The following CADM2 variants were observed in gnomAD, a reference collection of about 807,000 sequenced individuals.
CADM2 encodes the protein immunoglobulin superfamily member 4D.
CADM2 carries 12 observed loss-of-function variants against 49.8 expected under a neutral mutation model. That is an observed-to-expected ratio of 0.24 (90% CI 0.15 to 0.39). The LOEUF (loss-of-function observed/expected upper bound fraction) is 0.39. Among genes scored for constraint, CADM2 ranks in the 10% least tolerant of loss-of-function variants. The probability of loss-of-function intolerance (pLI) is 1.00; values close to 1 mark genes in which losing one functional copy is unlikely to be tolerated. For synonymous variants in CADM2, 214 were observed against 175.4 expected (o/e 1.22, Z -1.74); for missense variants, 378 against 492.3 (o/e 0.77, Z 2.20).
intron 1 of CADM2, among the ~76,000 whole-genome samples, chr3:85,281,266 T>G (rs2043492659): frequency 6.6e-6 from 1 of 151,874 alleles, no homozygotes; most frequent in Admixed American, 6.6e-5. Flanking sequence ...TTGTATAGAA[T>G]TATTAGATCA....
intron 6 of CADM2, among the ~76,000 whole-genome samples, chr3:85,927,253 A>G (rs1045678603): frequency 6.6e-6 from 1 of 152,214 alleles, no homozygotes; most frequent in Non-Finnish European, 1.5e-5. Context: ...TTATTTACTC[A>G]ACAATTACTT....
chr3:85,673,681 G>A (rs1290263405), intron 1 of CADM2, among the ~76,000 whole-genome samples: 1 of 151,886 alleles, frequency 6.6e-6, no homozygotes, highest in Admixed American at 6.6e-5. Flanking sequence ...AGAGAAAGAG[G>A]GAGAGAAAGA....
At chr3:85,041,993 C>T (rs753441819) in intron 1 of CADM2, among the ~76,000 whole-genome samples, 25 of 152,292 alleles carry the variant, frequency 1.6e-4, no homozygotes, top group Non-Finnish European at 2.1e-4. Flanking sequence ...AGGCTTGTTT[C>T]ACACATGCAT....
chr3:84,961,420 G>T (rs2030498918), intron 1 of CADM2, among the ~76,000 whole-genome samples: 1 of 152,194 alleles, frequency 6.6e-6, no homozygotes, highest in Non-Finnish European at 1.5e-5. Context: ...ATGTGTGCCA[G>T]AATCTCCGTG....
At chr3:85,178,971 G>T (rs2040856509) in intron 1 of CADM2, among the ~76,000 whole-genome samples, 1 of 151,776 alleles carries the variant, frequency 6.6e-6, no homozygotes, top group African/African-American at 2.4e-5. Context: ...TTTGAATGAA[G>T]AACATTTTAC....
intron 5 of CADM2, among the ~76,000 whole-genome samples, chr3:85,909,001 G>A (rs920315597): frequency 6.6e-6 from 1 of 152,154 alleles, no homozygotes; most frequent in Non-Finnish European, 1.5e-5. Flanking sequence ...TGGGATTACA[G>A]GCGTGAGCCA....
intron 2 of CADM2, among the ~76,000 whole-genome samples, chr3:85,754,463 G>A (rs983620746): frequency 2.6e-5 from 4 of 152,068 alleles, no homozygotes; most frequent in African/African-American, 9.7e-5. Flanking sequence ...TATCTCATAT[G>A]GAACTCACCG....
At chr3:85,772,008 C>CT (rs397938377) in intron 2 of CADM2, among the ~76,000 whole-genome samples, 9,351 of 112,178 alleles carry the variant, frequency 0.083, 1,073 homozygotes, top group African/African-American at 0.27. Context: ...TTCTTTCTTT[C>CT]TTTTTTTTTT....
chr3:85,760,087 A>T (rs1486717681), intron 2 of CADM2, among the ~76,000 whole-genome samples: 1 of 152,100 alleles, frequency 6.6e-6, no homozygotes, highest in African/African-American at 2.4e-5. Flanking sequence ...TGTTTTTCTA[A>T]TTTCACTTTT....
chr3:85,886,505 G>A (rs1713676606), intron 5 of CADM2, among the ~76,000 whole-genome samples, 178 bp downstream of exon 5: 1 of 152,030 alleles, frequency 6.6e-6, no homozygotes, highest in Non-Finnish European at 1.5e-5. Flanking sequence ...TAATATATAA[G>A]TATGATCCCT....
At chr3:85,826,067 G>A (rs1047932878) in intron 3 of CADM2, among the ~76,000 whole-genome samples, 1 of 151,972 alleles carries the variant, frequency 6.6e-6, no homozygotes, top group Non-Finnish European at 1.5e-5. Flanking sequence ...GATTAGTTTT[G>A]TAATTGTATC....
chr3:85,053,130 A>G (rs1407261897), intron 1 of CADM2, among the ~76,000 whole-genome samples: 1 of 152,096 alleles, frequency 6.6e-6, no homozygotes, highest in Non-Finnish European at 1.5e-5. Flanking sequence ...AGTATTTGCC[A>G]AACTAGTAAA....
At chr3:85,756,316 C>G (rs2069119991) in intron 2 of CADM2, among the ~76,000 whole-genome samples, 1 of 152,158 alleles carries the variant, frequency 6.6e-6, no homozygotes, top group Admixed American at 6.5e-5. Context: ...CCACTTTCTT[C>G]TAACTCAAGT....
chr3:85,048,006 T>G (rs2107391736), intron 1 of CADM2, among the ~76,000 whole-genome samples: 1 of 152,216 alleles, frequency 6.6e-6, no homozygotes, highest in East Asian at 1.9e-4. Flanking sequence ...CAGAAACCTA[T>G]TGGATCCATA....
At chr3:84,995,960 A>G (rs1295877263) in intron 1 of CADM2, among the ~76,000 whole-genome samples, 1 of 152,192 alleles carries the variant, frequency 6.6e-6, no homozygotes. Context: ...TGGGGAATCC[A>G]GCAAACTGAT....
At chr3:85,258,517 CA>C (rs1430195734) in intron 1 of CADM2, among the ~76,000 whole-genome samples, 1 of 151,010 alleles carries the variant, frequency 6.6e-6, no homozygotes, top group Non-Finnish European at 1.5e-5. Context: ...AAAAAACTCA[CA>C]GTCCCAATAT....
chr3:85,536,135 G>A (rs1353551147), intron 1 of CADM2, among the ~76,000 whole-genome samples: 1 of 152,000 alleles, frequency 6.6e-6, no homozygotes, highest in Admixed American at 6.6e-5. Context: ...GTCATTGTGT[G>A]TTTAAGGGAT....
chr3:85,521,627 C>A (rs2061027516), intron 1 of CADM2, among the ~76,000 whole-genome samples: 1 of 151,862 alleles, frequency 6.6e-6, no homozygotes, highest in Non-Finnish European at 1.5e-5. Context: ...TTTTAAAGCC[C>A]CTTAATTATT....
chr3:85,459,387 G>A (rs1269433145), intron 1 of CADM2, among the ~76,000 whole-genome samples: 3 of 152,098 alleles, frequency 2.0e-5, no homozygotes, highest in African/African-American at 2.4e-5. Flanking sequence ...GGCTCTACCC[G>A]AATAAGAGAC....
Sources: allele counts gnomAD v4.1 joint callset (sites outside exome capture counted in the v4.1 genomes callset), GRCh38; gene constraint gnomAD v4.1.1; transcripts MANE v1.5; gene names NCBI Gene and HGNC (gene_info 2026-07-23, HGNC 2026-07-21).